MARK3: variants seen among roughly 807,000 people sequenced by gnomAD.
The protein encoded by MARK3 is MAP/microtubule affinity-regulating kinase 3.
In MARK3, 46 loss-of-function variants were observed where a neutral mutation model predicts 90.1. That is an observed-to-expected ratio of 0.51 (90% CI 0.40 to 0.65). The LOEUF (loss-of-function observed/expected upper bound fraction) is 0.65, where lower values mean the gene tolerates loss of function less well. Among genes scored for constraint, MARK3 ranks in the 30% least tolerant of loss-of-function variants. MARK3 has a pLI of 0.00. For synonymous variants in MARK3, 321 were observed against 332.6 expected (o/e 0.97, Z 0.38); for missense variants, 818 against 947.2 (o/e 0.86, Z 1.79).
chr14:103,478,944 T>C (rs2093768430), intron 13 of MARK3, among the ~76,000 whole-genome samples: 1 of 152,202 alleles, frequency 6.6e-6, no homozygotes, highest in African/African-American at 2.4e-5. Flanking sequence ...ATTATTTCCA[T>C]GTATTGGTTA....
chr14:103,491,898 CG>C lies in MARK3; in HGVS notation c.1711del (p.Glu571AsnfsTer38). 6.2e-7 allele frequency: 1 copy of C among 1,614,166 alleles called. No homozygotes were observed. The highest frequency in any genetic ancestry group is 8.5e-7 in the Non-Finnish European group (1 of 1,180,030). On this transcript the variant is annotated frameshift_variant, in exon 15 of 18. Transcript: ENST00000429436. LOFTEE classifies it high-confidence loss of function. ...ASRSTFHGQP[R>X]ERRTATYNGP... ...TCGTAGCACTTTCCACGGCCAGCCC[CG>C]GGAACGGCGAACCGCAACATATAAT...
At chr14:103,389,218 G>T (rs955495718) in intron 1 of MARK3, among the ~76,000 whole-genome samples, 2 of 151,822 alleles carry the variant, frequency 1.3e-5, no homozygotes, top group Admixed American at 6.6e-5. Flanking sequence ...CGAAAAATTA[G>T]CCGGGCGTGG....
At chr14:103,456,457 T>C (rs2093280281) in intron 5 of MARK3, among the ~76,000 whole-genome samples, 1 of 152,166 alleles carries the variant, frequency 6.6e-6, no homozygotes, top group Non-Finnish European at 1.5e-5. Flanking sequence ...GCCTTCTTGC[T>C]CTTTCTCTTA....
At chr14:103,394,240 T>C (rs995027868) in intron 1 of MARK3, among the ~76,000 whole-genome samples, 44 of 152,182 alleles carry the variant, frequency 2.9e-4, no homozygotes, top group African/African-American at 1.0e-3. Flanking sequence ...CATTTTCAAA[T>C]TTCAAATTAA....
At chr14:103,394,248 T>G (rs1321645542) in intron 1 of MARK3, among the ~76,000 whole-genome samples, 1 of 152,168 alleles carries the variant, frequency 6.6e-6, no homozygotes, top group Non-Finnish European at 1.5e-5. Context: ...AATTTCAAAT[T>G]AAACATGAAG....
At chr14:103,404,441 C>T (rs1186124679) in intron 1 of MARK3, among the ~76,000 whole-genome samples, 2 of 152,104 alleles carry the variant, frequency 1.3e-5, no homozygotes, top group East Asian at 1.9e-4. Context: ...ACAGTGTGTA[C>T]ACAGAAGTGT....
chr14:103,423,998 G>A (rs1390022608), intron 2 of MARK3, among the ~76,000 whole-genome samples: 1 of 152,144 alleles, frequency 6.6e-6, no homozygotes, highest in Non-Finnish European at 1.5e-5. Context: ...CTGAGGTCAG[G>A]AGTTCAAGAC....
chr14:103,438,243 T>C (rs183048600), intron 3 of MARK3, among the ~76,000 whole-genome samples: 144 of 152,306 alleles, frequency 9.5e-4, no homozygotes, highest in Middle Eastern at 3.4e-3. Context: ...CCTCAGGTGA[T>C]CCACCTGCCT....
At chr14:103,484,600 G>A (rs1396254745) in intron 14 of MARK3, among the ~76,000 whole-genome samples, 1 of 152,202 alleles carries the variant, frequency 6.6e-6, no homozygotes, top group Non-Finnish European at 1.5e-5. Flanking sequence ...GAAGGATTGA[G>A]GACACTTAGC....
In MARK3 at chr14:103,462,538, G is replaced by C. The variant is rs561624048; in HGVS notation, c.540+77G>C. 1.2e-3 allele frequency: 1,218 copies of C among 1,053,618 alleles called. 3 individuals are homozygous for C. Among genetic ancestry groups the C allele is most frequent in the Non-Finnish European group, 1.5e-3 (1,098 of 716,570 alleles). The allele number at this position is 1,053,618 out of a possible 1,614,324, so 65.3% of individuals were successfully genotyped here. ...CTCTCAGTGGTCATTACACAAATGA[G>C]GTATAGATTAGCCTTATTAGCATTT... On this transcript the variant is annotated intron_variant, in intron 7 of 17. Transcript: ENST00000429436.
intron 5 of MARK3, among the ~76,000 whole-genome samples, chr14:103,455,312 C>T (rs1453114947): frequency 6.6e-6 from 1 of 152,184 alleles, no homozygotes; most frequent in African/African-American, 2.4e-5. Flanking sequence ...TGCTTTTCTG[C>T]AAATAGGTCA....
chr14:103,498,014 C>T (rs967713743), intron 15 of MARK3, among the ~76,000 whole-genome samples: 1 of 152,094 alleles, frequency 6.6e-6, no homozygotes, highest in Non-Finnish European at 1.5e-5. Flanking sequence ...GCCAGGAGTT[C>T]GAGACTAGAC....
chr14:103,493,468 C>T (rs1464340815), intron 15 of MARK3, among the ~76,000 whole-genome samples: 1 of 151,880 alleles, frequency 6.6e-6, no homozygotes, highest in Non-Finnish European at 1.5e-5. Context: ...TTAAACTGGG[C>T]AAAACAGAAT....
At chr14:103,390,640 T>C (rs536541288) in intron 1 of MARK3, among the ~76,000 whole-genome samples, 5 of 152,314 alleles carry the variant, frequency 3.3e-5, no homozygotes, top group South Asian at 4.1e-4. Flanking sequence ...TGAATTTGTG[T>C]TGGGTCACTT....
chr14:103,386,295 C>A (rs2089789989), intron 1 of MARK3: 3 of 702,516 alleles, frequency 4.3e-6, no homozygotes, highest in Non-Finnish European at 7.8e-6. Flanking sequence ...ATCGATTATG[C>A]CGGCAGTCTA....
chr14:103,404,992 T>A (rs1380431842), intron 1 of MARK3, 84 bp from the exon 2 acceptor site: 1 of 980,802 alleles, frequency 1.0e-6, no homozygotes, highest in East Asian at 2.8e-5. Context: ...GTAGGAATGT[T>A]TTTTCTTCAA....
At chr14:103,442,466 G>A (rs193234692) in intron 3 of MARK3, among the ~76,000 whole-genome samples, 21 of 151,940 alleles carry the variant, frequency 1.4e-4, no homozygotes, top group African/African-American at 2.9e-4. Context: ...GGATATTATC[G>A]TCATAACTAT....
rs2093520852 is a variant in MARK3, at chr14:103,467,093, A to T, written c.1012A>T (p.Met338Leu). The T allele has an allele frequency of 2.0e-6, 3 of 1,525,184 alleles. No individual in the cohort carries two copies. The African/African-American group carries it at 4.1e-5, about 21-fold the overall frequency. 94.5% of individuals were successfully genotyped at this position (1,525,184 alleles called of 1,614,324 possible). ...CCTTCTTTTAGATATTATGGTGGGA[A>T]TGGGATATTCACAAGAAGAAATTCA... ...DQKRIDIMVG[M>L]GYSQEEIQES... The change falls in exon 11 of 18, where the codon ATG (methionine) becomes TTG (leucine). Residue 338 changes from methionine (M) to leucine (L), a missense_variant. By Grantham distance (15) the Met-to-Leu change is conservative. Coordinates refer to ENST00000429436, the MANE Select transcript of MARK3 (RefSeq NM_001128918.3).
Position 103,452,524 on chromosome 14 carries a change from T to A in MARK3, c.412+541T>A, listed in dbSNP as rs182213535. Reference sequence around the variant, plus strand: ...TCTCGCTCTGTCGCCCAGGCTGGAGTGCAGTGGCGCGATCTCGGCTCACTG... The same window carrying A: ...TCTCGCTCTGTCGCCCAGGCTGGAGAGCAGTGGCGCGATCTCGGCTCACTG... On this transcript the variant is annotated intron_variant, in intron 5 of 17. Coordinates refer to ENST00000429436, the MANE Select transcript of MARK3 (RefSeq NM_001128918.3). Among the ~76,000 whole-genome samples, 105 of 135,990 alleles carry A rather than the reference T, an allele frequency of 7.7e-4. 1 individual carries two copies. The highest frequency in any genetic ancestry group is 2.0e-3 in the Admixed American group (25 of 12,454). 89.2% of individuals were successfully genotyped at this position (135,990 alleles called of 152,430 possible).
Sources: allele counts gnomAD v4.1 joint callset (sites outside exome capture counted in the v4.1 genomes callset), GRCh38; gene constraint gnomAD v4.1.1; transcripts MANE v1.5; gene names NCBI Gene and HGNC (gene_info 2026-07-23, HGNC 2026-07-21).